MAST3: variants seen among roughly 807,000 people sequenced by gnomAD.
MAST3 encodes microtubule associated serine/threonine kinase 3.
MAST3 carries 43 observed loss-of-function variants against 127.0 expected under a neutral mutation model. The ratio of observed to expected loss-of-function variants is 0.34; its 90% confidence interval spans 0.27 to 0.44. The LOEUF (loss-of-function observed/expected upper bound fraction) is 0.44. Ranked by LOEUF, MAST3 falls within the 20% of genes least tolerant of loss-of-function variation. MAST3 has a pLI of 1.00. For missense variants in MAST3, 1,390 were observed against 1,919.1 expected (o/e 0.72, Z 5.15); for synonymous variants, 785 against 809.2 (o/e 0.97, Z 0.51).
rs1344057601 is a variant in MAST3 at position 18,146,922 on chromosome 19, C to T, written c.3204C>T (p.Asn1068=). The part of the protein sequence containing the change: ...KISLRTTALE[N]TSIKVGPARK... ...CCCTGCGGACCACAGCCCTGGAGAA[C>T]ACCTCCATCAAGGTGGGCCCCGCCC... Residue 1068 remains asparagine (N), a synonymous_variant, in exon 26 of 28, where the codon AAC becomes AAT. Transcript: ENST00000687212. 1.3e-6 allele frequency: 2 copies of T among 1,557,586 alleles called. No individual in the cohort carries two copies. Among genetic ancestry groups the T allele is most frequent in the Non-Finnish European group, 1.7e-6 (2 of 1,150,424 alleles).
Position 18,149,513 on chromosome 19 carries a change from G to T in MAST3, c.3831G>T (p.Arg1277=). The change falls in exon 28 of 28, where the codon CGG becomes CGT. Residue 1277 remains arginine, a synonymous_variant. Coordinates refer to ENST00000687212, the MANE Select transcript of MAST3 (RefSeq NM_001393504.1). The surrounding 1 kb of genome is among the most constrained non-coding windows in gnomAD (Gnocchi z 5.9). ...AGCGGCTGGATGGGGAGGCGGGGCG[G>T]CGCACTCGTGGGCCAGAGGCCGAGC... ...TGERLDGEAG[R]RTRGPEAELV... The T allele has an allele frequency of 3.9e-6, 6 of 1,549,332 alleles. No homozygotes were observed. The highest frequency in any genetic ancestry group is 5.2e-6 in the Non-Finnish European group (6 of 1,147,002).
rs567369724 is a variant in MAST3, at chr19:18,129,837, A to C, written c.1224-657A>C. Reference sequence around the variant, plus strand: ...CTACTTGGGAGGCTGAAGTTGGAGGATCACCTGAACCCAGGAGGCAGAGGT... The same window carrying C: ...CTACTTGGGAGGCTGAAGTTGGAGGCTCACCTGAACCCAGGAGGCAGAGGT... On this transcript the variant is annotated intron_variant, in intron 13 of 27. Transcript: ENST00000687212. 5.3e-5 allele frequency among the ~76,000 whole-genome samples: 8 copies of C among 151,310 alleles called. No homozygotes were observed. The East Asian group carries it at 1.6e-3, about 30-fold the overall frequency.
At chr19:18,147,333 C>T (rs1244229336) in intron 26 of MAST3, 110 bp from the exon 27 acceptor site, 2 of 985,314 alleles carry the variant, frequency 2.0e-6, no homozygotes, top group Admixed American at 2.2e-5. Flanking sequence ...GAACTCCTGA[C>T]CTTAAATGAT....
intron 6 of MAST3, 97 bp downstream of exon 6, chr19:18,122,848 C>A: frequency 7.7e-7 from 1 of 1,299,810 alleles, no homozygotes; most frequent in Non-Finnish European, 1.1e-6. Context: ...GATAGTTGTG[C>A]AGTCAGCAAA....
intron 3 of MAST3, among the ~76,000 whole-genome samples, chr19:18,116,326 C>G (rs910728851): frequency 6.7e-6 from 1 of 150,254 alleles, no homozygotes; most frequent in Non-Finnish European, 1.5e-5. Flanking sequence ...GAGTTTCGCT[C>G]TTGTTGCCCA....
At chr19:18,137,098 A>C (rs2041964106) in intron 18 of MAST3, 141 bp from the exon 19 acceptor site, 1 of 963,464 alleles carries the variant, frequency 1.0e-6, no homozygotes, top group South Asian at 1.7e-5. Flanking sequence ...CTGGGATTAC[A>C]GGTGTGAGCC....
At chr19:18,116,301 TA>T (rs1409334937) in intron 3 of MAST3, among the ~76,000 whole-genome samples, 3 of 150,892 alleles carry the variant, frequency 2.0e-5, no homozygotes, top group Non-Finnish European at 4.4e-5. Flanking sequence ...TATTTTTTTT[TA>T]TTTTTTTGAG....
chr19:18,124,086 A>C lies in MAST3; in HGVS notation c.781A>C (p.Asn261His). The change falls in exon 9 of 28, where the codon AAC (asparagine) becomes CAC (histidine). Residue 261 changes from asparagine (N) to histidine (H), a missense_variant. Asn to His is a moderately conservative substitution (Grantham distance 68, BLOSUM62 1). Around this residue, in one of 5 missense-constraint regions of MAST3, gnomAD observed 277 missense variants for 384.8 expected, o/e 0.72. Coordinates refer to ENST00000687212, the MANE Select transcript of MAST3 (RefSeq NM_001393504.1). ...ARDCLAKSGE[N>H]LVTSRYFLEM... ...AGACTGCTTGGCCAAGTCTGGCGAG[A>C]ACCTCGTCACCTCCCGCTACTTCCT... 1 of 1,611,154 alleles carries C rather than the reference A, an allele frequency of 6.2e-7. No individual in the cohort carries two copies. The highest frequency in any genetic ancestry group is 1.3e-5 in the African/African-American group (1 of 74,930).
chr19:18,126,834 G>A (rs1214066526), intron 11 of MAST3, among the ~76,000 whole-genome samples: 1 of 151,822 alleles, frequency 6.6e-6, no homozygotes, highest in Non-Finnish European at 1.5e-5. Context: ...AGGCTGGAGT[G>A]CAGTGGCACG....
At chr19:18,106,966 ATTTTTTTTTTTTT>A (rs60298417) in intron 1 of MAST3, among the ~76,000 whole-genome samples, 24 of 73,950 alleles carry the variant, frequency 3.2e-4, no homozygotes, top group South Asian at 4.9e-4. Flanking sequence ...ATGCCCAGCA[ATTTTTTTTTTTTT>A]TTTTTTTTTT....
At position 18,123,632 on chromosome 19, in the gene MAST3, G is replaced by A. The variant is rs755519641; in HGVS notation, c.610G>A (p.Val204Met). The A allele has an allele frequency of 1.3e-6, 2 of 1,589,020 alleles. No individual in the cohort carries two copies. Among genetic ancestry groups the A allele is most frequent in the African/African-American group, 1.3e-5 (1 of 74,312 alleles). The change falls in exon 8 of 28, where the codon GTG becomes ATG. Residue 204 changes from valine (V) to methionine (M), a missense_variant. By Grantham distance (21) the Val-to-Met change is conservative. Transcript: ENST00000687212. ...FDNEIVMMNH[V>M]YRERFPKATA... is the part of the protein sequence containing the mutation. ...CAATGAGATTGTCATGATGAATCAC[G>A]TGTACCGGGAGAGGTTCCCCAAGGT...
intron 3 of MAST3, chr19:18,118,043 C>A (rs962987970): frequency 3.2e-6 from 3 of 924,688 alleles, no homozygotes; most frequent in African/African-American, 1.8e-5. Flanking sequence ...CGCCGCCCCC[C>A]CATCCCCGCA....
chr19:18,124,564 C>T, intron 10 of MAST3, 78 bp from the exon 11 acceptor site: 27 of 1,494,782 alleles, frequency 1.8e-5, no homozygotes, highest in Non-Finnish European at 2.4e-5. Context: ...GAAGGGTGCT[C>T]CAGGCAGAGG....
chr19:18,098,107 C>T (rs1454844815), intron 1 of MAST3, among the ~76,000 whole-genome samples: 4 of 152,190 alleles, frequency 2.6e-5, no homozygotes, highest in Non-Finnish European at 5.9e-5. Context: ...TCCCCACCAG[C>T]TGTTCTAATA....
chr19:18,105,355 G>C (rs2037984867), intron 1 of MAST3, among the ~76,000 whole-genome samples: 1 of 150,662 alleles, frequency 6.6e-6, no homozygotes, highest in Non-Finnish European at 1.5e-5. Context: ...GATACAGTGA[G>C]ACTCCATCTA....
chr19:18,141,130 C>A (rs1397006566), intron 20 of MAST3, among the ~76,000 whole-genome samples: 1 of 152,100 alleles, frequency 6.6e-6, no homozygotes, highest in African/African-American at 2.4e-5. Flanking sequence ...GCTTAACTTA[C>A]ATTCCCTACT....
Position 18,137,334 on chromosome 19 carries a change from G to T in MAST3, c.2068G>T (p.Ala690Ser). ...HKAEFVPQLEAEDDTSYFDTR... is the reference protein window; with the variant it reads ...HKAEFVPQLESEDDTSYFDTR... Reference sequence around the variant, plus strand: ...AGCCGAGTTCGTGCCCCAGCTCGAAGCTGAGGATGATACCAGCTACTTTGA... The same window carrying T: ...AGCCGAGTTCGTGCCCCAGCTCGAATCTGAGGATGATACCAGCTACTTTGA... The change falls in exon 19 of 28, where the codon GCT becomes TCT. Residue 690 changes from alanine (A) to serine (S), a missense_variant. This residue lies in a region of MAST3 where 191 missense variants were observed against 409.0 expected (regional missense o/e 0.47). Coordinates refer to ENST00000687212, the MANE Select transcript of MAST3 (RefSeq NM_001393504.1). 6.2e-7 allele frequency: 1 copy of T among 1,613,894 alleles called. No individual in the cohort carries two copies. The highest frequency in any genetic ancestry group is 8.5e-7 in the Non-Finnish European group (1 of 1,179,810).
Position 18,134,960 on chromosome 19 carries a change from A to G in MAST3, c.1848A>G (p.Glu616=), listed in dbSNP as rs2041733504. 2 of 1,611,128 alleles carry G rather than the reference A, an allele frequency of 1.2e-6. No individual in the cohort carries two copies. The highest frequency in any genetic ancestry group is 1.3e-5 in the African/African-American group (1 of 74,502). Residue 616 remains glutamate (E), a synonymous_variant, in exon 17 of 28, where the codon GAA becomes GAG. Transcript: ENST00000687212. The part of the protein sequence containing the change: ...CVPFFGDTPE[E]LFGQVVSDEI... ...CTTTCTTTGGAGATACCCCCGAGGA[A>G]CTCTTCGGTCAGGTGGTCAGCGGTG...
intron 2 of MAST3, among the ~76,000 whole-genome samples, chr19:18,108,973 A>T (rs568869232): frequency 6.6e-6 from 1 of 152,296 alleles, no homozygotes; most frequent in African/African-American, 2.4e-5. Context: ...AGAGAGCTCA[A>T]CCAGAGAAAG....
Sources: allele counts gnomAD v4.1 joint callset (sites outside exome capture counted in the v4.1 genomes callset), GRCh38; gene constraint gnomAD v4.1.1; regional missense constraint gnomAD v4.1.1; non-coding constraint Gnocchi (gnomAD v3.1); transcripts MANE v1.5; gene names NCBI Gene and HGNC (gene_info 2026-07-23, HGNC 2026-07-21).